The following ARHGAP28 variants were observed in gnomAD, a reference collection of about 807,000 sequenced individuals.
ARHGAP28 encodes rho GTPase-activating protein 28.
ARHGAP28 carries 56 observed loss-of-function variants against 90.7 expected under a neutral mutation model. The observed-to-expected ratio is 0.62, with a 90% CI of 0.50 to 0.77. The LOEUF is 0.77. Ranked by LOEUF, ARHGAP28 falls within the 30% of genes least tolerant of loss-of-function variation. ARHGAP28 has a pLI of 0.00. For missense variants in ARHGAP28, 869 were observed against 900.9 expected (o/e 0.96, Z 0.45); for synonymous variants, 308 against 323.3 (o/e 0.95, Z 0.51).
intron 1 of ARHGAP28, among the ~76,000 whole-genome samples, chr18:6,788,122 G>T (rs1419496729): frequency 6.6e-6 from 1 of 152,140 alleles, no homozygotes; most frequent in Non-Finnish European, 1.5e-5. Flanking sequence ...CTGGTGAGGG[G>T]TGATTGGATT....
intron 5 of ARHGAP28, 46 bp downstream of exon 5, chr18:6,859,943 A>C: frequency 6.6e-7 from 1 of 1,509,434 alleles, no homozygotes; most frequent in Non-Finnish European, 9.2e-7. Flanking sequence ...GTACAGTTGC[A>C]AGTCAAAGCA....
rs2056651410 is a variant in ARHGAP28, at chr18:6,824,898, A to G, written c.259A>G (p.Ser87Gly). 3 of 1,536,102 alleles carry G rather than the reference A, an allele frequency of 2.0e-6. No homozygotes were observed. The highest frequency in any genetic ancestry group is 2.6e-6 in the Non-Finnish European group (3 of 1,146,902). Residue 87 changes from serine (S) to glycine (G), a missense_variant, in exon 2 of 18, where the codon AGT becomes GGT. Physicochemically the swap from Ser to Gly is moderately conservative, Grantham distance 56 (BLOSUM62 0). Transcript: ENST00000383472. ...SMEDFWREIE[S>G]IKDSSMGGQE... ...GGAGGATTTCTGGCGGGAAATAGAA[A>G]GTATTAAAGACAGCAGCATGGGAGG...
chr18:6,839,374 A>G (rs1183558922), intron 3 of ARHGAP28, among the ~76,000 whole-genome samples: 2 of 150,656 alleles, frequency 1.3e-5, no homozygotes, highest in East Asian at 2.0e-4. Context: ...GCTCACTGCA[A>G]GCTCCGCCTC....
chr18:6,819,680 A>G (rs529271137), intron 1 of ARHGAP28, among the ~76,000 whole-genome samples: 8 of 152,304 alleles, frequency 5.3e-5, no homozygotes, highest in Admixed American at 3.9e-4. Context: ...AGCCCTGGCA[A>G]TACAGGATTC....
chr18:6,734,777 G>A (rs971353423), intron 1 of ARHGAP28, among the ~76,000 whole-genome samples: 2 of 152,134 alleles, frequency 1.3e-5, no homozygotes, highest in Admixed American at 1.3e-4. Flanking sequence ...TATTCTGGGG[G>A]ATACTAGGTA....
At chr18:6,792,613 G>A (rs2143566055) in intron 1 of ARHGAP28, among the ~76,000 whole-genome samples, 1 of 152,300 alleles carries the variant, frequency 6.6e-6, no homozygotes, top group Non-Finnish European at 1.5e-5. Context: ...GAGTGATACA[G>A]TGCAAGGGGG....
At chr18:6,890,834 C>T (rs141437765) in intron 14 of ARHGAP28, among the ~76,000 whole-genome samples, 22 of 152,294 alleles carry the variant, frequency 1.4e-4, no homozygotes, top group African/African-American at 4.1e-4. Context: ...AGCTGAAAGT[C>T]AACATTTTAG....
intron 17 of ARHGAP28, among the ~76,000 whole-genome samples, chr18:6,911,658 ACTC>A (rs1174901676): frequency 6.6e-6 from 1 of 150,682 alleles, no homozygotes; most frequent in African/African-American, 2.4e-5. Context: ...CTGGTCTCAA[ACTC>A]CTAACCTCAA....
intron 14 of ARHGAP28, among the ~76,000 whole-genome samples, chr18:6,894,465 A>G (rs1315642638): frequency 6.6e-6 from 1 of 152,190 alleles, no homozygotes; most frequent in Non-Finnish European, 1.5e-5. Flanking sequence ...TTAACAAATC[A>G]TGGGGATTAT....
At position 6,824,965 on chromosome 18, in the gene ARHGAP28, G is replaced by A; in HGVS notation, c.325+1G>A. The A allele has an allele frequency of 6.5e-7, 1 of 1,528,168 alleles. No individual in the cohort carries two copies. The highest frequency in any genetic ancestry group is 8.7e-7 in the Non-Finnish European group (1 of 1,142,868). The allele number at this position is 1,528,168 out of a possible 1,614,324, so 94.7% of individuals were successfully genotyped here. On this transcript the variant is annotated splice_donor_variant, in intron 2 of 17. Transcript: ENST00000383472. LOFTEE classifies it high-confidence loss of function. ...CCAGCTGAGGTCACACCTGTGGATG[G>A]TAAGTTGCTGGATTTGTCTTCCTAT... is the stretch of plus-strand genomic sequence containing the variant.
intron 12 of ARHGAP28, among the ~76,000 whole-genome samples, chr18:6,889,432 A>G (rs2057246985): frequency 6.6e-6 from 1 of 152,304 alleles, no homozygotes; most frequent in East Asian, 1.9e-4. Context: ...ATGTTGTTTA[A>G]ATGAATTTTC....
chr18:6,827,173 A>G (rs2056671915), intron 2 of ARHGAP28, among the ~76,000 whole-genome samples: 1 of 152,138 alleles, frequency 6.6e-6, no homozygotes, highest in Admixed American at 6.5e-5. Flanking sequence ...CGCCATTGTC[A>G]TCATGGCCTG....
intron 1 of ARHGAP28, among the ~76,000 whole-genome samples, chr18:6,775,871 G>T (rs1308953132): frequency 6.6e-6 from 1 of 152,150 alleles, no homozygotes; most frequent in Non-Finnish European, 1.5e-5. Context: ...TGAGCCAAGG[G>T]ATTAGTTGAA....
At chr18:6,900,666 G>C (rs2057333715) in intron 16 of ARHGAP28, among the ~76,000 whole-genome samples, 1 of 150,902 alleles carries the variant, frequency 6.6e-6, no homozygotes, top group South Asian at 2.1e-4. Flanking sequence ...CAGCCTCAGG[G>C]ACCTACGGGA....
chr18:6,850,485 GGCAGTGATC>G (rs1458665082), intron 3 of ARHGAP28, among the ~76,000 whole-genome samples: 1 of 152,216 alleles, frequency 6.6e-6, no homozygotes, highest in Non-Finnish European at 1.5e-5. Flanking sequence ...TGGCTGCCCT[GGCAGTGATC>G]TATCAATTTT....
At chr18:6,909,265 CTTTTCTTTG>C (rs1320710190) in intron 17 of ARHGAP28, among the ~76,000 whole-genome samples, 2 of 76,304 alleles carry the variant, frequency 2.6e-5, no homozygotes, top group African/African-American at 8.0e-5. Context: ...CTTTTCTTTT[CTTTTCTTTG>C]CTTTTCTTTT....
chr18:6,841,203 C>CTCCTCTTTCTCT (rs754874496), intron 3 of ARHGAP28, among the ~76,000 whole-genome samples: 1 of 41,970 alleles, frequency 2.4e-5, no homozygotes, highest in African/African-American at 1.2e-4. Context: ...CTCTCTCTCT[C>CTCCTCTTTCTCT]CTCTCCTCTC....
chr18:6,836,467 G>C (rs2143852150), intron 2 of ARHGAP28, among the ~76,000 whole-genome samples: 1 of 152,260 alleles, frequency 6.6e-6, no homozygotes, highest in South Asian at 2.1e-4. Context: ...TGTGGTCACT[G>C]CACCTTATCT....
intron 1 of ARHGAP28, among the ~76,000 whole-genome samples, chr18:6,774,978 A>G (rs2056272330): frequency 6.6e-6 from 1 of 152,154 alleles, no homozygotes. Context: ...GTGTAGTCTC[A>G]AAGCCAAGGA....
Sources: allele counts gnomAD v4.1 joint callset (sites outside exome capture counted in the v4.1 genomes callset), GRCh38; gene constraint gnomAD v4.1.1; transcripts MANE v1.5; gene names NCBI Gene and HGNC (gene_info 2026-07-23, HGNC 2026-07-21).